Variants in TANK observed in about 807,000 individuals in gnomAD.
TANK encodes the protein TRAF family member-associated NF-kappa-B activator.
A neutral mutation model predicts 43.6 loss-of-function variants in TANK; 15 were observed. The ratio of observed to expected loss-of-function variants is 0.34; its 90% CI spans 0.23 to 0.53. The LOEUF (loss-of-function observed/expected upper bound fraction) is 0.53, where lower values mean the gene tolerates loss of function less well. TANK is among the 20% of genes least tolerant of loss of function. The probability of loss-of-function intolerance (pLI) is 0.94; values close to 1 mark genes in which losing one functional copy is unlikely to be tolerated. For missense variants in TANK, 417 were observed against 498.6 expected, an observed-to-expected ratio of 0.84 and a Z score of 1.56; for synonymous variants, 162 against 178.2, an observed-to-expected ratio of 0.91 and a Z score of 0.73.
chr2:161,173,822 A>G (rs896871737), intron 1 of TANK, among the ~76,000 whole-genome samples: 3 of 152,160 alleles, frequency 2.0e-5, no homozygotes, highest in African/African-American at 7.2e-5. Flanking sequence ...TGTACCAATC[A>G]GGATACAGCT....
At chr2:161,160,689 C>A in intron 1 of TANK, 1 of 465,110 alleles carries the variant, frequency 2.2e-6, no homozygotes, top group South Asian at 2.9e-5. Flanking sequence ...CCGGAGCGGA[C>A]TCCTTGTGGG....
At chr2:161,150,668 T>A (rs1684051732) in intron 1 of TANK, among the ~76,000 whole-genome samples, 1 of 144,878 alleles carries the variant, frequency 6.9e-6, no homozygotes. Context: ...CTCACTGCAA[T>A]CTCTGCCTGC....
At chr2:161,225,016 T>TA in intron 6 of TANK, among the ~76,000 whole-genome samples, 1 of 152,182 alleles carries the variant, frequency 6.6e-6, no homozygotes, top group Admixed American at 6.5e-5. Context: ...CATCCCACCT[T>TA]AAAAAAATAC....
chr2:161,227,162 AT>A (rs756561207), intron 6 of TANK: 1 of 152,182 alleles, frequency 6.6e-6, no homozygotes, highest in Non-Finnish European at 1.5e-5. Flanking sequence ...TAAGGTTTAA[AT>A]TTTTTTAATA....
At chr2:161,228,862 G>A (rs1353135720) in intron 6 of TANK, among the ~76,000 whole-genome samples, 1 of 152,118 alleles carries the variant, frequency 6.6e-6, no homozygotes, top group East Asian at 1.9e-4. Context: ...GCAGTATTCA[G>A]TACAGTAACA....
rs758656335 is a variant in TANK, at chr2:161,179,723, A to G, written c.61A>G (p.Met21Val). The G allele has an allele frequency of 5.6e-6, 9 of 1,612,812 alleles. No homozygotes were observed. Among genetic ancestry groups the G allele is most frequent in the Non-Finnish European group, 7.6e-6 (9 of 1,179,292 alleles). The change falls in exon 2 of 8, where the codon ATG becomes GTG. Residue 21 changes from methionine to valine, a missense_variant. Transcript: ENST00000392749. ...KAYEAFRQACMDRDSAVKELQ... is the reference protein window; with the variant it reads ...KAYEAFRQACVDRDSAVKELQ... The stretch of plus-strand genomic sequence containing the variant: ...GTATGAAGCCTTCCGGCAGGCATGC[A>G]TGGATAGAGATTCTGCAGTAAAAGA...
intron 2 of TANK, among the ~76,000 whole-genome samples, chr2:161,185,811 A>G (rs1685634825): frequency 6.6e-6 from 1 of 152,018 alleles, no homozygotes; most frequent in Non-Finnish European, 1.5e-5. Context: ...ATGTATACAT[A>G]TGTAACTAAC....
chr2:161,212,953 G>A (rs935808143), intron 4 of TANK, among the ~76,000 whole-genome samples: 5 of 152,224 alleles, frequency 3.3e-5, no homozygotes, highest in East Asian at 1.9e-4. Context: ...TCTGGCAAGG[G>A]CCACAGGCTG....
At chr2:161,147,370 C>G (rs758599942) in intron 1 of TANK, among the ~76,000 whole-genome samples, 1 of 152,170 alleles carries the variant, frequency 6.6e-6, no homozygotes, top group Non-Finnish European at 1.5e-5. Context: ...GGGAACTTAG[C>G]AGGCTTAAGC....
intron 1 of TANK, among the ~76,000 whole-genome samples, chr2:161,141,795 G>T (rs1280076669): frequency 6.6e-6 from 1 of 152,118 alleles, no homozygotes; most frequent in Non-Finnish European, 1.5e-5. Flanking sequence ...AAACATATGT[G>T]TGCATGTGTC....
intron 1 of TANK, among the ~76,000 whole-genome samples, chr2:161,151,637 A>T (rs1255712999): frequency 6.6e-6 from 1 of 152,072 alleles, no homozygotes; most frequent in African/African-American, 2.4e-5. Context: ...CCATAATTTC[A>T]CTTTAATCTA....
intron 2 of TANK, among the ~76,000 whole-genome samples, chr2:161,187,070 G>C (rs1272186124): frequency 5.9e-5 from 9 of 152,156 alleles, no homozygotes. Context: ...TCATACAGTT[G>C]TTAATAACCA....
Position 161,165,204 on chromosome 2 carries a change from C to T in TANK, c.-50+4718C>T, listed in dbSNP as rs141711021. On this transcript the variant is annotated intron_variant, in intron 1 of 7. Coordinates refer to ENST00000392749, the MANE Select transcript of TANK (RefSeq NM_001199135.3). ...TTTGATGGTTACTTAGCAAGTTGAACTTATGAGAGTCTTTGAAATAGTTGC... is the reference window on the plus strand; with the variant it reads ...TTTGATGGTTACTTAGCAAGTTGAATTTATGAGAGTCTTTGAAATAGTTGC... 7.6e-3 allele frequency among the ~76,000 whole-genome samples: 1,150 copies of T among 152,154 alleles called. 7 individuals are homozygous for T. The highest frequency in any genetic ancestry group is 0.013 in the Non-Finnish European group (864 of 67,990).
At chr2:161,221,963 G>A (rs565626892) in intron 4 of TANK, among the ~76,000 whole-genome samples, 11 of 152,146 alleles carry the variant, frequency 7.2e-5, no homozygotes, top group African/African-American at 2.6e-4. Context: ...ATACACCAAA[G>A]GAATCTTTTC....
chr2:161,160,985 G>A (rs973773622), intron 1 of TANK: 1 of 454,948 alleles, frequency 2.2e-6, no homozygotes, highest in East Asian at 4.3e-5. Context: ...CCTGTGGGGT[G>A]TCATCATAGC....
chr2:161,212,638 C>A (rs1162478199), intron 4 of TANK: 1 of 985,262 alleles, frequency 1.0e-6, no homozygotes, highest in Admixed American at 6.2e-5. Context: ...TCGAATGTCT[C>A]TAGTATGGCT....
intron 2 of TANK, among the ~76,000 whole-genome samples, chr2:161,187,188 G>A (rs1485797944): frequency 6.6e-6 from 1 of 152,138 alleles, no homozygotes; most frequent in East Asian, 1.9e-4. Context: ...CACTTTGGGA[G>A]GCTGAGGCAG....
chr2:161,230,264 T>C (rs1184877962), intron 6 of TANK, among the ~76,000 whole-genome samples: 1 of 152,222 alleles, frequency 6.6e-6, no homozygotes, highest in Non-Finnish European at 1.5e-5. Context: ...CCTACAAAGC[T>C]GAATTTGTTG....
chr2:161,175,107 C>T (rs1159158571), intron 1 of TANK, among the ~76,000 whole-genome samples: 1 of 152,108 alleles, frequency 6.6e-6, no homozygotes, highest in African/African-American at 2.4e-5. Flanking sequence ...TTAGGATGCT[C>T]ATATACTATA....
Sources: allele counts gnomAD v4.1 joint callset (sites outside exome capture counted in the v4.1 genomes callset), GRCh38; gene constraint gnomAD v4.1.1; transcripts MANE v1.5; gene names NCBI Gene and HGNC (gene_info 2026-07-23, HGNC 2026-07-21).